The following CRYZL1 variants were observed in gnomAD, a reference collection of about 807,000 sequenced individuals.
The protein encoded by CRYZL1 is crystallin zeta like 1.
CRYZL1 carries 34 observed loss-of-function variants against 50.6 expected under a neutral mutation model. The ratio of observed to expected loss-of-function variants is 0.67; its 90% CI spans 0.51 to 0.89. CRYZL1 has a LOEUF of 0.89. Ranked by LOEUF, CRYZL1 falls within the 40% of genes least tolerant of loss-of-function variation. The pLI is 0.00. For synonymous variants in CRYZL1, 125 were observed against 134.3 expected (o/e 0.93, Z 0.48); for missense variants, 354 against 402.3 (o/e 0.88, Z 1.03).
At chr21:33,640,028 G>C in intron 1 of CRYZL1, 2 of 843,554 alleles carry the variant, frequency 2.4e-6, no homozygotes, top group Non-Finnish European at 3.5e-6. Flanking sequence ...GTTTCACCAT[G>C]TTGGCCAGGC....
rs1270710425 is a variant in CRYZL1 at position 33,589,602 on chromosome 21, C to T, written c.*220G>A. 2.0e-6 allele frequency: 1 copy of T among 508,508 alleles called. No individual in the cohort carries two copies. Among genetic ancestry groups the T allele is most frequent in the African/African-American group, 2.0e-5 (1 of 50,322 alleles). 31.5% of individuals were successfully genotyped at this position (508,508 alleles called of 1,614,324 possible). On this transcript the variant is annotated 3_prime_UTR_variant, in exon 13 of 13. Coordinates refer to ENST00000381554, the MANE Select transcript of CRYZL1 (RefSeq NM_145858.3). ...CAATGAAAAGGTTTTTAGAAAAATT[C>T]CCTTAAGATGTTAATTATAGAATTA...
At chr21:33,612,953 A>AG (rs930989783) in intron 6 of CRYZL1, among the ~76,000 whole-genome samples, 7 of 152,024 alleles carry the variant, frequency 4.6e-5, no homozygotes, top group Non-Finnish European at 1.0e-4. Context: ...CCTCCTGAGT[A>AG]GCTGGAATTA....
At chr21:33,626,425 G>A (rs1017718006) in intron 2 of CRYZL1, among the ~76,000 whole-genome samples, 1 of 152,050 alleles carries the variant, frequency 6.6e-6, no homozygotes, top group Non-Finnish European at 1.5e-5. Context: ...GGCCGGGCAT[G>A]GGGGCTCACG....
intron 11 of CRYZL1, chr21:33,595,114 C>T: frequency 9.9e-7 from 1 of 1,006,138 alleles, no homozygotes; most frequent in Non-Finnish European, 1.2e-6. Context: ...TTGCACCTTT[C>T]TTTTTGAAAT....
chr21:33,617,648 CG>C (rs998615995), intron 4 of CRYZL1, among the ~76,000 whole-genome samples: 1 of 151,780 alleles, frequency 6.6e-6, no homozygotes, highest in African/African-American at 2.4e-5. Context: ...GGGTCGTGAT[CG>C]ATTGAGCAAG....
At chr21:33,624,799 A>G (rs746176837) in intron 2 of CRYZL1, 39 bp from the exon 3 acceptor site, 1 of 1,574,878 alleles carries the variant, frequency 6.3e-7, no homozygotes, top group South Asian at 1.2e-5. Context: ...GTTATTTTAC[A>G]CATTCCTATG....
Position 33,597,306 on chromosome 21 carries a change from A to C in CRYZL1, c.772T>G (p.Trp258Gly). The change falls in exon 10 of 13, where the codon TGG becomes GGG. Residue 258 changes from tryptophan to glycine, a missense_variant. Coordinates refer to ENST00000381554, the MANE Select transcript of CRYZL1 (RefSeq NM_145858.3). Reference protein sequence around the residue: ...IITLLGVGGHWVTTEENLQLD... With the variant: ...IITLLGVGGHGVTTEENLQLD... ...TGAAGGTTTTCTTCTGTTGTTACCC[A>C]GTGGCCTCCAACACCAAGAAGTGTG... 6.2e-7 allele frequency: 1 copy of C among 1,613,794 alleles called. No individual in the cohort carries two copies. The highest frequency in any genetic ancestry group is 8.5e-7 in the Non-Finnish European group (1 of 1,179,654).
chr21:33,621,065 C>T (rs1397952557), intron 4 of CRYZL1, among the ~76,000 whole-genome samples: 2 of 148,472 alleles, frequency 1.3e-5, no homozygotes, highest in Non-Finnish European at 3.0e-5. Context: ...GCCACCTCGC[C>T]CGGCTAATTT....
chr21:33,591,551 G>A (rs1359453142), intron 11 of CRYZL1: 2 of 305,188 alleles, frequency 6.6e-6, no homozygotes, highest in Admixed American at 4.7e-5. Context: ...GGCATTTTTA[G>A]TTAAAAACAA....
rs116740273 is a variant in CRYZL1, at chr21:33,591,332, T to C, written c.905-125A>G. On this transcript the variant is annotated intron_variant, in intron 11 of 12. Transcript: ENST00000381554. ...GTTTTGCACTCTCAGAGACTCAACA[T>C]GTTAAGTTAGAGAAATTCTGTAGGA... 2.5e-3 allele frequency: 1,848 copies of C among 741,308 alleles called. 32 individuals are homozygous for C. The African/African-American group carries it at 0.029, about 12-fold the overall frequency. The allele number at this position is 741,308 out of a possible 1,614,324, so 45.9% of individuals were successfully genotyped here.
chr21:33,591,073 G>T, intron 12 of CRYZL1, 89 bp downstream of exon 12: 2 of 898,966 alleles, frequency 2.2e-6, no homozygotes, highest in South Asian at 1.3e-5. Flanking sequence ...GGTACATGGC[G>T]AGAGCTAAAA....
intron 1 of CRYZL1, among the ~76,000 whole-genome samples, chr21:33,636,522 A>T (rs569051268): frequency 6.6e-6 from 1 of 152,326 alleles, no homozygotes; most frequent in Admixed American, 6.5e-5. Context: ...TAATACTATA[A>T]ATTTTTATAT....
chr21:33,597,426 A>G (rs765626049), intron 9 of CRYZL1, 25 bp from the exon 10 acceptor site: 17 of 1,487,406 alleles, frequency 1.1e-5, no homozygotes, highest in South Asian at 1.1e-4. Context: ...GTTTTAAAAA[A>G]AGAGAGAGAG....
At chr21:33,617,785 G>A (rs1257530752) in intron 4 of CRYZL1, among the ~76,000 whole-genome samples, 1 of 152,160 alleles carries the variant, frequency 6.6e-6, no homozygotes, top group Non-Finnish European at 1.5e-5. Flanking sequence ...GGTTAGGACA[G>A]GGGTCGATCT....
rs778140142 is a variant in CRYZL1, at chr21:33,616,738, AC to A, written c.229del (p.Val77TyrfsTer10). 8 of 1,607,142 alleles carry A rather than the reference AC, an allele frequency of 5.0e-6. No individual in the cohort carries two copies. Among genetic ancestry groups the A allele is most frequent in the Non-Finnish European group, 6.8e-6 (8 of 1,176,226 alleles). On this transcript the variant is annotated frameshift_variant, in exon 5 of 13. Transcript: ENST00000381554. LOFTEE classifies it high-confidence loss of function. Reference sequence around the variant, plus strand: ...TTCATCATCTGGTTGAAAGAATGATACCTTGCTTCCAACTAAAGAGTGAAGA... The same window carrying A: ...TTCATCATCTGGTTGAAAGAATGATACTTGCTTCCAACTAAAGAGTGAAGA... The part of the protein sequence containing the change: ...AGIVLDVGSK[V>X]SFFQPDDEVV...
At position 33,640,000 on chromosome 21, in the gene CRYZL1, A is replaced by AT. The variant is rs2087259332; in HGVS notation, c.-7+1680dup. The stretch of plus-strand genomic sequence containing the variant: ...ACCACCATGCCCGGCTAATTTCTGT[A>AT]TTTTTAGTAGACACGGGGTTTCACC... On this transcript the variant is annotated intron_variant, in intron 1 of 12. Transcript: ENST00000381554. 6.9e-5 allele frequency: 41 copies of AT among 592,578 alleles called. No homozygotes were observed. In the South Asian group the frequency reaches 9.2e-4, roughly 13 times the overall value. The allele number at this position is 592,578 out of a possible 1,614,324, so 36.7% of individuals were successfully genotyped here.
chr21:33,607,579 T>C (rs2086826713), intron 6 of CRYZL1, among the ~76,000 whole-genome samples: 1 of 152,020 alleles, frequency 6.6e-6, no homozygotes, highest in Admixed American at 6.6e-5. Flanking sequence ...CTGCAGTGAA[T>C]TGTGATAATT....
chr21:33,625,968 T>C (rs2087057487), intron 2 of CRYZL1, among the ~76,000 whole-genome samples: 1 of 149,980 alleles, frequency 6.7e-6, no homozygotes, highest in Non-Finnish European at 1.5e-5. Flanking sequence ...GCCAGTGAAA[T>C]TCTTTTTTCA....
chr21:33,625,911 T>C (rs2145953041), intron 2 of CRYZL1, among the ~76,000 whole-genome samples: 1 of 152,296 alleles, frequency 6.6e-6, no homozygotes, highest in African/African-American at 2.4e-5. Context: ...TCCTCCTGTC[T>C]TGGCCTTCCA....
Sources: allele counts gnomAD v4.1 joint callset (sites outside exome capture counted in the v4.1 genomes callset), GRCh38; gene constraint gnomAD v4.1.1; transcripts MANE v1.5; gene names NCBI Gene and HGNC (gene_info 2026-07-23, HGNC 2026-07-21).